The following PROKR2 variants were observed in gnomAD, a reference collection of about 807,000 sequenced individuals.
PROKR2 encodes the protein prokineticin receptor 2.
PROKR2 carries 26 observed loss-of-function variants against 23.4 expected under a neutral mutation model. That is an observed-to-expected ratio of 1.11 (90% CI 0.81 to 1.54). PROKR2 has a LOEUF of 1.54. Ranked by LOEUF, PROKR2 falls within the 40% of genes most tolerant of loss-of-function variation. The probability of loss-of-function intolerance (pLI) is 0.00; values close to 1 mark genes in which losing one functional copy is unlikely to be tolerated. For synonymous variants in PROKR2, 212 were observed against 201.2 expected, an observed-to-expected ratio of 1.05 and a Z score of -0.45; for missense variants, 453 against 511.5, an observed-to-expected ratio of 0.89 and a Z score of 1.10.
chr20:5,315,493 C>G (rs1979630459), intron 1 of PROKR2, among the ~76,000 whole-genome samples: 1 of 152,158 alleles, frequency 6.6e-6, no homozygotes, highest in Non-Finnish European at 1.5e-5. Context: ...GGGGCCCTGG[C>G]TGTCCAGCTG....
chr20:5,303,015 T>A (rs1466460530), intron 2 of PROKR2, among the ~76,000 whole-genome samples: 1 of 152,220 alleles, frequency 6.6e-6, no homozygotes, highest in Non-Finnish European at 1.5e-5. Context: ...TCCCTGAGAT[T>A]TATTTCCTCA....
In PROKR2 at chr20:5,302,357, T is replaced by C. The variant is rs1262266798; in HGVS notation, c.838A>G (p.Ile280Val). The change falls in exon 3 of 3, where the codon ATT becomes GTT. Residue 280 changes from isoleucine to valine, a missense_variant. Coordinates refer to ENST00000678254, the MANE Select transcript of PROKR2 (RefSeq NM_144773.4). ...CAGCACAGCACATAGGCCGTGAGAA[T>C]GCACATGAGCACCAGGACCGTCTTC... ...RRKTVLVLMCILTAYVLCWAP... is the reference protein window; with the variant it reads ...RRKTVLVLMCVLTAYVLCWAP... 1 of 1,614,094 alleles carries C rather than the reference T, an allele frequency of 6.2e-7. No homozygotes were observed. The highest frequency in any genetic ancestry group is 2.2e-5 in the East Asian group (1 of 44,896).
intron 1 of PROKR2, among the ~76,000 whole-genome samples, chr20:5,315,055 C>CT (rs1193887588): frequency 6.6e-6 from 1 of 152,320 alleles, no homozygotes; most frequent in South Asian, 2.1e-4. Flanking sequence ...TTTATGCTCT[C>CT]TGAGTCCTAA....
In PROKR2 at chr20:5,313,932, C is replaced by G; in HGVS notation, c.438G>C (p.Leu146Phe). Residue 146 changes from leucine to phenylalanine, a missense_variant, in exon 2 of 3, where the codon TTG becomes TTC. Transcript: ENST00000678254. ...TVSLYVSTNA[L>F]LAIAIDRYLA... is the part of the protein sequence containing the mutation. Reference sequence around the variant, plus strand: ...CTCACCTGTCAATGGCAATGGCCAGCAAGGCATTGGTGGAGACGTAGAGGG... The same window carrying G: ...CTCACCTGTCAATGGCAATGGCCAGGAAGGCATTGGTGGAGACGTAGAGGG... 1 of 1,614,212 alleles carries G rather than the reference C, an allele frequency of 6.2e-7. No individual in the cohort carries two copies. The highest frequency in any genetic ancestry group is 8.5e-7 in the Non-Finnish European group (1 of 1,180,032).
At chr20:5,308,778 C>T (rs75646613) in intron 2 of PROKR2, among the ~76,000 whole-genome samples, 1,625 of 152,306 alleles carry the variant, frequency 0.011, 40 homozygotes, top group African/African-American at 0.037. Context: ...GTCACTCTTT[C>T]CAAGTCTCTG....
Position 5,300,651 on chromosome 20 carries a change from C to T in PROKR2, c.*1389G>A, listed in dbSNP as rs1004704853. Among the ~76,000 whole-genome samples the T allele has an allele frequency of 1.3e-5, 2 of 152,198 alleles. No individual in the cohort carries two copies. Among genetic ancestry groups the T allele is most frequent in the Non-Finnish European group, 2.9e-5 (2 of 68,032 alleles). ...ATTTCATTAAAGCAAAACTGAGACA[C>T]AGAGAGAAAACATCATGAATTTAGG... On this transcript the variant is annotated 3_prime_UTR_variant, in exon 3 of 3. Transcript: ENST00000678254.
intron 2 of PROKR2, among the ~76,000 whole-genome samples, chr20:5,309,514 T>C (rs66474965): frequency 0.51 from 77,587 of 152,002 alleles, 20,112 homozygotes; most frequent in African/African-American, 0.61. Flanking sequence ...CCTCCCTCTT[T>C]CACAGTTAAA....
rs1978962527 is a variant in PROKR2 at position 5,300,989 on chromosome 20, A to T, written c.*1051T>A. Among the ~76,000 whole-genome samples the T allele has an allele frequency of 6.6e-6, 1 of 152,198 alleles. No homozygotes were observed. Among genetic ancestry groups the T allele is most frequent in the African/African-American group, 2.4e-5 (1 of 41,424 alleles). ...TTTAGGTTCTTTCCTTTGAAATTAC[A>T]CCATTGTGGATAACCACATAAGGCT... On this transcript the variant is annotated 3_prime_UTR_variant, in exon 3 of 3. Coordinates refer to ENST00000678254, the MANE Select transcript of PROKR2 (RefSeq NM_144773.4).
rs541849717 is a variant in PROKR2 at position 5,304,251 on chromosome 20, G to C, written c.459-1515C>G. On this transcript the variant is annotated intron_variant, in intron 2 of 2. Coordinates refer to ENST00000678254, the MANE Select transcript of PROKR2 (RefSeq NM_144773.4). ...TTAGAGGCTTGGCAGTTCCCTGTTA[G>C]AATACACCGCCCCAGATCAACAGGG... Among the ~76,000 whole-genome samples the C allele has an allele frequency of 3.3e-5, 5 of 152,196 alleles. No individual in the cohort carries two copies. In the South Asian group the frequency reaches 1.0e-3, roughly 32 times the overall value.
In PROKR2 at chr20:5,300,250, A is replaced by G. The variant is rs1978936204; in HGVS notation, c.*1790T>C. The stretch of plus-strand genomic sequence containing the variant: ...TGCAGCACTAGGGTGCTATTTTGCA[A>G]CATGCAGGGAGGACTGTCAACACTT... On this transcript the variant is annotated 3_prime_UTR_variant, in exon 3 of 3. Transcript: ENST00000678254. Among the ~76,000 whole-genome samples, 1 of 152,222 alleles carries G rather than the reference A, an allele frequency of 6.6e-6. No homozygotes were observed. The highest frequency in any genetic ancestry group is 2.1e-4 in the South Asian group (1 of 4,830).
chr20:5,310,092 C>T (rs1046524105), intron 2 of PROKR2, among the ~76,000 whole-genome samples: 5 of 152,160 alleles, frequency 3.3e-5, no homozygotes, highest in African/African-American at 1.2e-4. Flanking sequence ...TCACTGACAA[C>T]CTCTAAGGCT....
intron 2 of PROKR2, among the ~76,000 whole-genome samples, chr20:5,306,829 T>C (rs1600582074): frequency 6.6e-6 from 1 of 152,200 alleles, no homozygotes; most frequent in African/African-American, 2.4e-5. Context: ...TTATTAACTT[T>C]ACATTTTTTG....
In PROKR2 at chr20:5,301,030, A is replaced by AT. The variant is rs201374311; in HGVS notation, c.*1009dup. 8.7e-3 allele frequency among the ~76,000 whole-genome samples: 1,310 copies of AT among 151,018 alleles called. 10 individuals carry two copies. The highest frequency in any genetic ancestry group is 0.03 in the African/African-American group (1,235 of 41,186). ...ACATAAGGCTGGGCTGACTATAAGA[A>AT]TTTTTTTTTTCTTGAAGCCAAAATC... is the stretch of plus-strand genomic sequence containing the variant. On this transcript the variant is annotated 3_prime_UTR_variant, in exon 3 of 3. Transcript: ENST00000678254.
intron 1 of PROKR2, 94 bp from the exon 2 acceptor site, chr20:5,314,471 C>T (rs6139691): frequency 9.7e-7 from 1 of 1,033,310 alleles, no homozygotes; most frequent in South Asian, 1.3e-5. Flanking sequence ...TGCCCACATC[C>T]TTGGGGAGAG....
At chr20:5,311,063 G>C (rs1156474036) in intron 2 of PROKR2, among the ~76,000 whole-genome samples, 2 of 152,170 alleles carry the variant, frequency 1.3e-5, no homozygotes, top group African/African-American at 4.8e-5. Flanking sequence ...TATTTTGTAA[G>C]CAATGAAATG....
intron 2 of PROKR2, among the ~76,000 whole-genome samples, chr20:5,303,796 T>C (rs1979104771): frequency 1.3e-5 from 2 of 152,174 alleles, no homozygotes; most frequent in African/African-American, 4.8e-5. Context: ...AACGTGTACT[T>C]CATACCTGGA....
chr20:5,305,579 A>C, intron 2 of PROKR2, among the ~76,000 whole-genome samples: 1 of 152,236 alleles, frequency 6.6e-6, no homozygotes, highest in Non-Finnish European at 1.5e-5. Flanking sequence ...GAAAAGTGAA[A>C]TTAAATGAAC....
rs1978932888 is a variant in PROKR2 at position 5,300,175 on chromosome 20, C to T, written c.*1865G>A. ...ATCAAGAAGAAATGAAGACGTGTAC[C>T]TACAGTTACCACAAATGTATAATAC... On this transcript the variant is annotated 3_prime_UTR_variant, in exon 3 of 3. Transcript: ENST00000678254. Among the ~76,000 whole-genome samples the T allele has an allele frequency of 7.5e-6, 1 of 132,628 alleles. No individual in the cohort carries two copies. The highest frequency in any genetic ancestry group is 8.1e-5 in the Admixed American group (1 of 12,420). The allele number at this position is 132,628 out of a possible 152,430, so 87.0% of individuals were successfully genotyped here.
rs549105147 is a variant in PROKR2, at chr20:5,316,360, C to A, written c.-9+134G>T. 13 of 456,672 alleles carry A rather than the reference C, an allele frequency of 2.8e-5. No homozygotes were observed. Among genetic ancestry groups the A allele is most frequent in the African/African-American group, 2.6e-4 (13 of 50,204 alleles). The allele number at this position is 456,672 out of a possible 1,614,324, so 28.3% of individuals were successfully genotyped here. Reference sequence around the variant, plus strand: ...CTCGCCTGCTTGGAGCCAGCCCCGACGCATATCTCGAGAGTGGCGGGAGGC... The same window carrying A: ...CTCGCCTGCTTGGAGCCAGCCCCGAAGCATATCTCGAGAGTGGCGGGAGGC... On this transcript the variant is annotated intron_variant, in intron 1 of 2. Coordinates refer to ENST00000678254, the MANE Select transcript of PROKR2 (RefSeq NM_144773.4). This position sits in a 1 kb window ranked among gnomAD's most constrained non-coding sequence, Gnocchi z 5.0.
Sources: allele counts gnomAD v4.1 joint callset (sites outside exome capture counted in the v4.1 genomes callset), GRCh38; gene constraint gnomAD v4.1.1; non-coding constraint Gnocchi (gnomAD v3.1); transcripts MANE v1.5; gene names NCBI Gene and HGNC (gene_info 2026-07-23, HGNC 2026-07-21).